ZFHX3: variants seen among roughly 807,000 people sequenced by gnomAD.
ZFHX3 encodes zinc finger homeobox protein 3.
In ZFHX3, 42 loss-of-function variants were observed where a neutral mutation model predicts 279.1. That is an observed-to-expected ratio of 0.15 (90% CI 0.12 to 0.19). ZFHX3 has a LOEUF of 0.19. Ranked by LOEUF, ZFHX3 falls within the 10% of genes least tolerant of loss-of-function variation. The probability of loss-of-function intolerance (pLI) is 1.00; values close to 1 mark genes in which losing one functional copy is unlikely to be tolerated. For synonymous variants in ZFHX3, 2,293 were observed against 1,957.8 expected (o/e 1.17, Z -4.52); for missense variants, 4,981 against 4,754.0 (o/e 1.05, Z -1.40).
At chr16:73,174,134 T>A (rs768117601) in intron 5 of ZFHX3, among the ~76,000 whole-genome samples, 2 of 152,156 alleles carry the variant, frequency 1.3e-5, no homozygotes, top group East Asian at 3.9e-4. Flanking sequence ...TTTTTTTCCT[T>A]AACTTCAGTT....
intron 8 of ZFHX3, among the ~76,000 whole-genome samples, chr16:73,075,261 C>G (rs957393714): frequency 2.6e-5 from 4 of 151,770 alleles, no homozygotes; most frequent in African/African-American, 9.7e-5. Context: ...CTGCAGTGAG[C>G]CATGATCACA....
chr16:73,497,437 G>A (rs770339462), intron 2 of ZFHX3, among the ~76,000 whole-genome samples: 1 of 152,226 alleles, frequency 6.6e-6, no homozygotes, highest in South Asian at 2.1e-4. Context: ...GGGAGGATGA[G>A]GCAAGAGGAC....
chr16:72,845,925 C>T (rs1052493966), intron 4 of ZFHX3, among the ~76,000 whole-genome samples: 1 of 152,154 alleles, frequency 6.6e-6, no homozygotes, highest in East Asian at 1.9e-4. Flanking sequence ...CAGCTGATGC[C>T]AAGGACCATA....
intron 2 of ZFHX3, among the ~76,000 whole-genome samples, chr16:73,496,317 G>A (rs1567501360): frequency 6.6e-6 from 1 of 152,342 alleles, no homozygotes; most frequent in East Asian, 1.9e-4. Context: ...GATCACTTGA[G>A]GTCAGGAGTT....
rs565021363 is a variant in ZFHX3, at chr16:72,850,404, C to A, written c.3449-20545G>T. ...ACCAAGTGTGCAGTAAATCTGTGCA[C>A]ACAAGTGCTATTTTCATGTGTGTTG... On this transcript the variant is annotated intron_variant, in intron 4 of 9. Coordinates refer to ENST00000268489, the MANE Select transcript of ZFHX3 (RefSeq NM_006885.4). 1.2e-4 allele frequency among the ~76,000 whole-genome samples: 19 copies of A among 152,372 alleles called. No individual in the cohort carries two copies. The South Asian group carries it at 3.5e-3, about 28-fold the overall frequency.
intron 1 of ZFHX3, among the ~76,000 whole-genome samples, chr16:73,744,652 G>T (rs1352680465): frequency 6.6e-6 from 1 of 152,134 alleles, no homozygotes; most frequent in Non-Finnish European, 1.5e-5. Context: ...TGGAGCCTCT[G>T]CTGGAGCTCT....
chr16:73,479,432 G>T (rs969984141), intron 2 of ZFHX3, among the ~76,000 whole-genome samples: 3 of 152,122 alleles, frequency 2.0e-5, no homozygotes. Flanking sequence ...TACCTTGGCT[G>T]GAGATACCTT....
chr16:73,378,642 A>G (rs1411148858), intron 3 of ZFHX3, among the ~76,000 whole-genome samples: 1 of 152,204 alleles, frequency 6.6e-6, no homozygotes, highest in African/African-American at 2.4e-5. Flanking sequence ...GTTGATCTGC[A>G]CCAAACTAAC....
intron 4 of ZFHX3, among the ~76,000 whole-genome samples, chr16:73,304,883 C>A (rs1182939646): frequency 6.6e-6 from 1 of 152,056 alleles, no homozygotes; most frequent in Non-Finnish European, 1.5e-5. Flanking sequence ...GAACTCCTTG[C>A]CACAATAAAT....
chr16:73,325,016 C>T (rs756762486), intron 3 of ZFHX3, among the ~76,000 whole-genome samples: 14 of 152,074 alleles, frequency 9.2e-5, no homozygotes, highest in African/African-American at 2.2e-4. Flanking sequence ...TTTTGTATAG[C>T]GCTTTTGGAA....
At chr16:73,015,405 A>G (rs1234456912) in intron 1 of ZFHX3, 1 of 150,880 alleles carries the variant, frequency 6.6e-6, no homozygotes, top group Non-Finnish European at 1.5e-5. Context: ...GACAGAAAAA[A>G]CCTCCCATCC....
At chr16:72,801,324 A>G (rs1216901878) in intron 7 of ZFHX3, among the ~76,000 whole-genome samples, 2 of 152,192 alleles carry the variant, frequency 1.3e-5, no homozygotes, top group African/African-American at 4.8e-5. Flanking sequence ...TGTCTGTTGC[A>G]AAGATTGGAA....
intron 7 of ZFHX3, among the ~76,000 whole-genome samples, chr16:72,811,167 G>A (rs1478539148): frequency 6.6e-6 from 1 of 152,206 alleles, no homozygotes; most frequent in African/African-American, 2.4e-5. Context: ...TTAGAGGTGT[G>A]AGCTAGTGTG....
At chr16:72,968,495 C>G (rs907622237) in intron 1 of ZFHX3, among the ~76,000 whole-genome samples, 1 of 141,652 alleles carries the variant, frequency 7.1e-6, no homozygotes, top group Non-Finnish European at 1.5e-5. Context: ...GAGTCTCGCT[C>G]TGTCGTCCAG....
chr16:73,320,216 G>A (rs1030722675), intron 3 of ZFHX3, among the ~76,000 whole-genome samples: 11 of 152,140 alleles, frequency 7.2e-5, no homozygotes, highest in African/African-American at 2.2e-4. Context: ...GGAATTCATC[G>A]TTCAAATCAG....
chr16:73,572,168 T>TAAAAAA (rs36024411), intron 2 of ZFHX3, among the ~76,000 whole-genome samples: 1 of 140,240 alleles, frequency 7.1e-6, no homozygotes. Flanking sequence ...TAAATATTCT[T>TAAAAAA]AAAAAAAAAA....
At chr16:72,924,990 C>G (rs919500790) in intron 3 of ZFHX3, among the ~76,000 whole-genome samples, 2 of 152,216 alleles carry the variant, frequency 1.3e-5, no homozygotes, top group Non-Finnish European at 2.9e-5. Flanking sequence ...GCTGGCAAGT[C>G]TGAACTCTGT....
Position 72,800,141 on chromosome 16 carries a change from G to A in ZFHX3, c.3865-12C>T, listed in dbSNP as rs373932351. On this transcript the variant is annotated splice_polypyrimidine_tract_variant and intron_variant, in intron 7 of 9. Transcript: ENST00000268489. ...TCAGGGGTGGTCACCTGAGGAGCAA[G>A]AGCAAGGAGAGTCAAATGGAGAGGA... 16 of 1,605,766 alleles carry A rather than the reference G, an allele frequency of 1.0e-5. No homozygotes were observed. Among genetic ancestry groups the A allele is most frequent in the African/African-American group, 6.7e-5 (5 of 74,772 alleles).
intron 1 of ZFHX3, among the ~76,000 whole-genome samples, chr16:73,022,716 C>T (rs1209086067): frequency 3.3e-5 from 5 of 152,064 alleles, no homozygotes; most frequent in East Asian, 1.9e-4. Context: ...CACAAATGAG[C>T]GAAGTTGGCT....
Sources: allele counts gnomAD v4.1 joint callset (sites outside exome capture counted in the v4.1 genomes callset), GRCh38; gene constraint gnomAD v4.1.1; transcripts MANE v1.5; gene names NCBI Gene and HGNC (gene_info 2026-07-23, HGNC 2026-07-21).